The following TMEM117 variants were observed in gnomAD, a reference collection of about 807,000 sequenced individuals.
TMEM117 encodes transmembrane protein 117.
In TMEM117, 27 loss-of-function variants were observed where a neutral mutation model predicts 52.4. The ratio of observed to expected loss-of-function variants is 0.51; its 90% CI spans 0.38 to 0.71. The LOEUF (loss-of-function observed/expected upper bound fraction) is 0.71, where lower values mean the gene tolerates loss of function less well. Among genes scored for constraint, TMEM117 ranks in the 30% least tolerant of loss-of-function variants. TMEM117 has a pLI of 0.00. For missense variants in TMEM117, 556 were observed against 630.5 expected (o/e 0.88, Z 1.26); for synonymous variants, 215 against 206.3 (o/e 1.04, Z -0.36).
chr12:44,342,379 A>G (rs76072567), intron 6 of TMEM117, among the ~76,000 whole-genome samples: 5 of 152,176 alleles, frequency 3.3e-5, no homozygotes, highest in Non-Finnish European at 7.4e-5. Flanking sequence ...AAAAGTAGAC[A>G]TGACCTTGGG....
At chr12:44,362,458 G>C (rs1951733605) in intron 6 of TMEM117, among the ~76,000 whole-genome samples, 1 of 152,090 alleles carries the variant, frequency 6.6e-6, no homozygotes, top group African/African-American at 2.4e-5. Context: ...AGAGCCTAGA[G>C]CCATTTCTAC....
chr12:44,236,762 C>G (rs765493737), intron 5 of TMEM117, among the ~76,000 whole-genome samples: 2 of 151,886 alleles, frequency 1.3e-5, no homozygotes, highest in Non-Finnish European at 2.9e-5. Context: ...GTTTTTGTTT[C>G]TTTTGCTAGA....
At chr12:43,960,480 C>G (rs1352097074) in intron 3 of TMEM117, among the ~76,000 whole-genome samples, 1 of 152,128 alleles carries the variant, frequency 6.6e-6, no homozygotes, top group African/African-American at 2.4e-5. Context: ...ACAGCATATC[C>G]AAATTATCAC....
At chr12:44,204,871 C>T (rs1465958187) in intron 4 of TMEM117, among the ~76,000 whole-genome samples, 3 of 151,974 alleles carry the variant, frequency 2.0e-5, no homozygotes, top group Non-Finnish European at 4.4e-5. Context: ...TGGAACCGGC[C>T]CCTTCCTTTC....
At chr12:44,302,341 G>A (rs773781041) in intron 6 of TMEM117, among the ~76,000 whole-genome samples, 7 of 152,076 alleles carry the variant, frequency 4.6e-5, no homozygotes, top group South Asian at 4.2e-4. Flanking sequence ...ATTCTCCCAC[G>A]TCTTCTATGC....
the TMEM117 span, chr12:43,797,359 G>A: frequency 2.2e-5 from 35 of 1,605,574 alleles, no homozygotes; most frequent in Admixed American, 2.9e-4. Flanking sequence ...AAATGGTAAC[G>A]AGCTGAATCC....
chr12:44,334,487 AC>A (rs1393680835), intron 6 of TMEM117, among the ~76,000 whole-genome samples: 1 of 151,976 alleles, frequency 6.6e-6, no homozygotes, highest in African/African-American at 2.4e-5. Flanking sequence ...CCTCAGGTGA[AC>A]CCTAAGTCTT....
chr12:44,315,900 C>CT (rs1384989239), intron 6 of TMEM117, among the ~76,000 whole-genome samples: 2 of 152,154 alleles, frequency 1.3e-5, no homozygotes, highest in African/African-American at 2.4e-5. Context: ...AACCCCTGTT[C>CT]TTTTTTGTTT....
At chr12:44,120,732 A>G (rs903635883) in intron 3 of TMEM117, among the ~76,000 whole-genome samples, 2 of 152,170 alleles carry the variant, frequency 1.3e-5, no homozygotes, top group African/African-American at 2.4e-5. Flanking sequence ...GCAGGATCAC[A>G]GTTCAGACTC....
intron 2 of TMEM117, among the ~76,000 whole-genome samples, chr12:43,855,454 T>A (rs1045274746): frequency 2.6e-5 from 4 of 152,120 alleles, no homozygotes; most frequent in Non-Finnish European, 5.9e-5. Context: ...TCATGATTTT[T>A]TAAAAATGCT....
At chr12:43,828,775 A>G in the TMEM117 span, among the ~76,000 whole-genome samples, 2,115 of 152,096 alleles carry the variant, frequency 0.014, 53 homozygotes, top group African/African-American at 0.048. Context: ...ATATTTCACT[A>G]TCCCCCATGA....
intron 3 of TMEM117, among the ~76,000 whole-genome samples, chr12:44,075,147 A>T (rs1947361918): frequency 6.6e-6 from 1 of 152,168 alleles, no homozygotes; most frequent in African/African-American, 2.4e-5. Context: ...TTATTTTGTG[A>T]TTCCCACCTT....
chr12:44,397,162 CA>C, the TMEM117 span, among the ~76,000 whole-genome samples: 5 of 152,148 alleles, frequency 3.3e-5, no homozygotes, highest in Non-Finnish European at 5.9e-5. Context: ...AGAGTTAAAA[CA>C]AAGAGCAGCC....
At chr12:44,175,098 C>A (rs1949100409) in intron 4 of TMEM117, among the ~76,000 whole-genome samples, 1 of 152,146 alleles carries the variant, frequency 6.6e-6, no homozygotes, top group Admixed American at 6.6e-5. Flanking sequence ...ATTTTGAATT[C>A]TAATGATATA....
chr12:44,021,887 C>T (rs1946461033), intron 3 of TMEM117, among the ~76,000 whole-genome samples: 1 of 152,156 alleles, frequency 6.6e-6, no homozygotes, highest in Non-Finnish European at 1.5e-5. Context: ...CCATAAGTTG[C>T]AATAAAGCAT....
chr12:44,102,518 GTAATAC>G (rs1947879338), intron 3 of TMEM117, among the ~76,000 whole-genome samples: 1 of 151,246 alleles, frequency 6.6e-6, no homozygotes, highest in South Asian at 2.1e-4. Context: ...CTTCATCTCT[GTAATAC>G]TATTTCTCCC....
chr12:43,941,402 A>G (rs1421006294), intron 2 of TMEM117, among the ~76,000 whole-genome samples: 1 of 152,226 alleles, frequency 6.6e-6, no homozygotes, highest in Non-Finnish European at 1.5e-5. Context: ...AGGGGTTACT[A>G]TTAATAATTA....
intron 3 of TMEM117, among the ~76,000 whole-genome samples, chr12:44,060,600 T>C (rs1302531319): frequency 6.6e-6 from 1 of 152,178 alleles, no homozygotes; most frequent in African/African-American, 2.4e-5. Flanking sequence ...TTTTACTTGC[T>C]AGAACAATGA....
At chr12:44,002,725 C>T (rs1290478850) in intron 3 of TMEM117, among the ~76,000 whole-genome samples, 5 of 152,134 alleles carry the variant, frequency 3.3e-5, no homozygotes, top group Non-Finnish European at 7.4e-5. Context: ...TGAGAGTTTC[C>T]CTGGCTCCCT....
Sources: allele counts gnomAD v4.1 joint callset (sites outside exome capture counted in the v4.1 genomes callset), GRCh38; gene constraint gnomAD v4.1.1; transcripts MANE v1.5; gene names NCBI Gene and HGNC (gene_info 2026-07-23, HGNC 2026-07-21).